IQCJ: variants seen among roughly 807,000 people sequenced by gnomAD.
The protein encoded by IQCJ is IQ domain-containing protein J.
A neutral mutation model predicts 11.0 loss-of-function variants in IQCJ; 9 were observed. The observed-to-expected ratio is 0.82, with a 90% CI of 0.49 to 1.43. The LOEUF is 1.43. Ranked by LOEUF, IQCJ falls within the 40% of genes most tolerant of loss-of-function variation. The pLI is 0.00. For synonymous variants in IQCJ, 55 were observed against 51.3 expected, an observed-to-expected ratio of 1.07 and a Z score of -0.31; for missense variants, 146 against 133.2, an observed-to-expected ratio of 1.10 and a Z score of -0.47.
At chr3:159,257,666 AG>A (rs1229596294) in intron 3 of IQCJ, among the ~76,000 whole-genome samples, 1 of 152,228 alleles carries the variant, frequency 6.6e-6, no homozygotes, top group Non-Finnish European at 1.5e-5. Context: ...AGTTTGTATC[AG>A]GATACAGGGT....
At chr3:159,109,368 A>G (rs1354778085) in intron 1 of IQCJ, among the ~76,000 whole-genome samples, 1 of 152,136 alleles carries the variant, frequency 6.6e-6, no homozygotes, top group Admixed American at 6.6e-5. Flanking sequence ...AGTTACTTGG[A>G]GCCTTAAGGA....
intron 3 of IQCJ, among the ~76,000 whole-genome samples, chr3:159,254,349 G>A (rs1160599716): frequency 6.6e-6 from 1 of 152,152 alleles, no homozygotes; most frequent in Non-Finnish European, 1.5e-5. Context: ...AAATCTCTGT[G>A]CTTCAGATTC....
chr3:159,080,966 T>C (rs1048635841), intron 1 of IQCJ, among the ~76,000 whole-genome samples: 2 of 152,068 alleles, frequency 1.3e-5, no homozygotes, highest in Non-Finnish European at 2.9e-5. Flanking sequence ...GCTGAGTCTG[T>C]TTAGAAACTT....
intron 1 of IQCJ, among the ~76,000 whole-genome samples, chr3:159,092,079 G>A (rs1401258654): frequency 6.6e-6 from 1 of 151,806 alleles, no homozygotes; most frequent in Admixed American, 6.5e-5. Flanking sequence ...TGCCTCTACA[G>A]TGGAAAGCTC....
chr3:159,136,285 G>T (rs186723699), intron 1 of IQCJ, among the ~76,000 whole-genome samples: 312 of 152,158 alleles, frequency 2.1e-3, no homozygotes, highest in Middle Eastern at 0.017. Context: ...GAAGTTAATG[G>T]ACCTCCCCAA....
chr3:159,262,173 G>A (rs1356921846), intron 3 of IQCJ, among the ~76,000 whole-genome samples: 1 of 152,198 alleles, frequency 6.6e-6, no homozygotes, highest in East Asian at 1.9e-4. Flanking sequence ...GTAGTAGTCA[G>A]CCTATTTATT....
intron 1 of IQCJ, among the ~76,000 whole-genome samples, chr3:159,084,208 A>G (rs1716535378): frequency 6.6e-6 from 1 of 151,740 alleles, no homozygotes; most frequent in African/African-American, 2.4e-5. Flanking sequence ...ATTATTTCCT[A>G]CAACAAAAAT....
chr3:159,124,309 C>T (rs1298874955), intron 1 of IQCJ, among the ~76,000 whole-genome samples: 1 of 152,202 alleles, frequency 6.6e-6, no homozygotes, highest in Non-Finnish European at 1.5e-5. Flanking sequence ...ACTTTGTGGC[C>T]ACAGTAATGT....
At chr3:159,101,602 C>T (rs149885522) in intron 1 of IQCJ, among the ~76,000 whole-genome samples, 11 of 152,296 alleles carry the variant, frequency 7.2e-5, no homozygotes, top group African/African-American at 2.4e-4. Flanking sequence ...CTCATCTTTG[C>T]CAACAGAGCT....
chr3:159,094,196 A>G (rs886436770), intron 1 of IQCJ, among the ~76,000 whole-genome samples: 1 of 151,796 alleles, frequency 6.6e-6, no homozygotes, highest in African/African-American at 2.4e-5. Flanking sequence ...CTATAGGTCC[A>G]GACCACGACA....
intron 1 of IQCJ, among the ~76,000 whole-genome samples, chr3:159,239,664 T>C (rs892836107): frequency 7.2e-5 from 11 of 152,244 alleles, no homozygotes; most frequent in African/African-American, 2.4e-4. Flanking sequence ...GCTTCAAGTT[T>C]GACCATTTCC....
chr3:159,087,314 T>C (rs570376677), intron 1 of IQCJ, among the ~76,000 whole-genome samples: 3 of 151,156 alleles, frequency 2.0e-5, no homozygotes, highest in Non-Finnish European at 4.4e-5. Flanking sequence ...GCTGGATTTG[T>C]TTTGCCAGTA....
At chr3:159,087,129 G>A (rs528194727) in intron 1 of IQCJ, among the ~76,000 whole-genome samples, 2 of 152,240 alleles carry the variant, frequency 1.3e-5, no homozygotes, top group East Asian at 1.9e-4. Context: ...TAGCATGAAG[G>A]GTTGTTGAAT....
At chr3:159,082,159 T>C (rs1012097363) in intron 1 of IQCJ, among the ~76,000 whole-genome samples, 6 of 152,118 alleles carry the variant, frequency 3.9e-5, no homozygotes, top group Non-Finnish European at 5.9e-5. Flanking sequence ...TTACACAACC[T>C]GGTAGAGAAG....
At chr3:159,185,411 A>G (rs563921146) in intron 1 of IQCJ, among the ~76,000 whole-genome samples, 1 of 152,318 alleles carries the variant, frequency 6.6e-6, no homozygotes, top group African/African-American at 2.4e-5. Context: ...GGCAGTCTAA[A>G]AGAAGGATAG....
intron 3 of IQCJ, among the ~76,000 whole-genome samples, chr3:159,254,491 A>G (rs1024459173): frequency 6.6e-6 from 1 of 152,196 alleles, no homozygotes; most frequent in Non-Finnish European, 1.5e-5. Flanking sequence ...ACTGGAGAGA[A>G]AGGAAGGAGA....
chr3:159,221,830 A>G (rs1025739936), intron 1 of IQCJ, among the ~76,000 whole-genome samples: 14 of 152,154 alleles, frequency 9.2e-5, no homozygotes, highest in African/African-American at 3.1e-4. Flanking sequence ...TAAAAAAAAA[A>G]AAAGAAAGAA....
intron 1 of IQCJ, among the ~76,000 whole-genome samples, chr3:159,095,007 C>T (rs1717627426): frequency 6.6e-6 from 1 of 151,866 alleles, no homozygotes; most frequent in Non-Finnish European, 1.5e-5. Flanking sequence ...TTCCCCATTC[C>T]CACTTCCAAA....
chr3:159,187,008 A>G (rs539629334), intron 1 of IQCJ, among the ~76,000 whole-genome samples: 13 of 152,370 alleles, frequency 8.5e-5, no homozygotes, highest in Admixed American at 8.5e-4. Flanking sequence ...GGCATTGGGC[A>G]TCCAGTCTTG....
Sources: gnomAD v4.1 joint callset for allele counts (sites outside exome capture counted in the v4.1 genomes callset) on GRCh38, gnomAD v4.1.1 for gene constraint, MANE v1.5 for transcripts, NCBI Gene and HGNC (gene_info 2026-07-23, HGNC 2026-07-21) for gene names.